Variants in MIS18A observed in about 807,000 individuals in gnomAD.
The protein encoded by MIS18A is protein Mis18-alpha.
In MIS18A, 14 loss-of-function variants were observed where a neutral mutation model predicts 25.0. The observed-to-expected ratio is 0.56, with a 90% CI of 0.37 to 0.88. The LOEUF is 0.88. Among genes scored for constraint, MIS18A ranks in the 40% least tolerant of loss-of-function variants. The pLI is 0.00. For missense variants in MIS18A, 292 were observed against 290.8 expected, an observed-to-expected ratio of 1.00 and a Z score of -0.03; for synonymous variants, 134 against 118.6, an observed-to-expected ratio of 1.13 and a Z score of -0.84.
chr21:32,203,613 C>CTTTTTTTTTTT, the MIS18A span, among the ~76,000 whole-genome samples: 15 of 85,374 alleles, frequency 1.8e-4, 1 homozygote, highest in East Asian at 3.7e-4. Flanking sequence ...TTTTTAAATG[C>CTTTTTTTTTTT]TTTTTTTTTT....
At chr21:32,202,507 C>T in the MIS18A span, among the ~76,000 whole-genome samples, 1 of 152,132 alleles carries the variant, frequency 6.6e-6, no homozygotes, top group Non-Finnish European at 1.5e-5. Context: ...CCATCTTAAC[C>T]ATTTCTAAGT....
downstream of MIS18A, among the ~76,000 whole-genome samples, chr21:32,265,255 C>A (rs375096933): frequency 9.2e-5 from 14 of 152,326 alleles, no homozygotes; most frequent in East Asian, 2.1e-3. Flanking sequence ...TTCAGCCCCC[C>A]ACTGCACTGT....
the MIS18A span, among the ~76,000 whole-genome samples, chr21:32,165,265 G>A: frequency 3.9e-5 from 6 of 151,952 alleles, no homozygotes; most frequent in South Asian, 6.2e-4. Flanking sequence ...CCCAGGAGGC[G>A]GTGAGCAGAG....
At chr21:32,269,576 C>T in intron 4 of MIS18A, 131 bp downstream of exon 4, 1 of 580,620 alleles carries the variant, frequency 1.7e-6, no homozygotes, top group Non-Finnish European at 3.0e-6. Flanking sequence ...TTACTAACAA[C>T]TGAAATGAAA....
At chr21:32,212,114 G>A in the MIS18A span, among the ~76,000 whole-genome samples, 1 of 152,320 alleles carries the variant, frequency 6.6e-6, no homozygotes, top group African/African-American at 2.4e-5. Flanking sequence ...GGTGGAGAGA[G>A]GCAGGACAGA....
the MIS18A span, among the ~76,000 whole-genome samples, chr21:32,262,886 C>T: frequency 6.6e-6 from 1 of 152,128 alleles, no homozygotes; most frequent in Non-Finnish European, 1.5e-5. Context: ...CCCAAACTCC[C>T]CTCCCTTCTC....
At chr21:32,266,630 T>C (rs897445374), downstream of MIS18A, among the ~76,000 whole-genome samples, 1 of 150,808 alleles carries the variant, frequency 6.6e-6, no homozygotes, top group Admixed American at 6.6e-5. Context: ...CGCGAAGGTC[T>C]GCAGCTTCAC....
chr21:32,207,143 T>G, the MIS18A span, among the ~76,000 whole-genome samples: 1 of 152,214 alleles, frequency 6.6e-6, no homozygotes, highest in Non-Finnish European at 1.5e-5. Flanking sequence ...CTCAGGAAAT[T>G]ACCAGAATAC....
chr21:32,228,542 AAAGG>A, the MIS18A span, among the ~76,000 whole-genome samples: 2 of 152,208 alleles, frequency 1.3e-5, no homozygotes, highest in African/African-American at 4.8e-5. Flanking sequence ...TCCAGATTGA[AAAGG>A]AAGAAGTAAA....
At chr21:32,190,353 T>C in the MIS18A span, among the ~76,000 whole-genome samples, 3 of 152,270 alleles carry the variant, frequency 2.0e-5, no homozygotes, top group Admixed American at 2.0e-4. Context: ...AAATGGAAGA[T>C]GCTCGATGAT....
the MIS18A span, among the ~76,000 whole-genome samples, chr21:32,194,581 C>A: frequency 6.6e-6 from 1 of 151,878 alleles, no homozygotes; most frequent in Admixed American, 6.6e-5. Flanking sequence ...ATCGCTTGAA[C>A]CTGGGAGGCA....
At chr21:32,231,367 C>A in the MIS18A span, among the ~76,000 whole-genome samples, 1 of 151,594 alleles carries the variant, frequency 6.6e-6, no homozygotes, top group Non-Finnish European at 1.5e-5. Flanking sequence ...TAATCTATTA[C>A]AAATTGGCAA....
chr21:32,187,381 G>C, the MIS18A span, among the ~76,000 whole-genome samples: 3 of 152,184 alleles, frequency 2.0e-5, no homozygotes, highest in African/African-American at 7.2e-5. Context: ...CCGCACCAAG[G>C]TCTGCAGAAA....
chr21:32,164,352 C>T, the MIS18A span, among the ~76,000 whole-genome samples: 41 of 152,222 alleles, frequency 2.7e-4, no homozygotes, highest in East Asian at 5.8e-4. Flanking sequence ...ATTCAATTAC[C>T]GGCGTGAGAG....
chr21:32,217,078 A>G, the MIS18A span, among the ~76,000 whole-genome samples: 2 of 152,216 alleles, frequency 1.3e-5, no homozygotes, highest in African/African-American at 4.8e-5. Context: ...ATAAAAAATT[A>G]TGAGACATAC....
the MIS18A span, chr21:32,156,620 A>G: frequency 6.6e-6 from 1 of 152,228 alleles, no homozygotes; most frequent in Non-Finnish European, 1.5e-5. Context: ...TTCACATTTT[A>G]TAATTCTATT....
the MIS18A span, among the ~76,000 whole-genome samples, chr21:32,233,652 T>C: frequency 6.6e-6 from 1 of 152,192 alleles, no homozygotes; most frequent in African/African-American, 2.4e-5. Flanking sequence ...TATGGAATCA[T>C]CCTCCTGGGA....
At chr21:32,171,153 T>C in the MIS18A span, among the ~76,000 whole-genome samples, 57,867 of 151,802 alleles carry the variant, frequency 0.38, 11,424 homozygotes, top group East Asian at 0.59. Context: ...GGCAAGAAAA[T>C]GAAATAAAAT....
the MIS18A span, among the ~76,000 whole-genome samples, chr21:32,214,901 C>T: frequency 6.6e-5 from 10 of 152,188 alleles, no homozygotes; most frequent in Admixed American, 2.6e-4. Flanking sequence ...GGGATTCCCC[C>T]AGGTAAGTCC....
Sources: gnomAD v4.1 joint callset for allele counts (sites outside exome capture counted in the v4.1 genomes callset) on GRCh38, gnomAD v4.1.1 for gene constraint, MANE v1.5 for transcripts, NCBI Gene and HGNC (gene_info 2026-07-23, HGNC 2026-07-21) for gene names.